NRG3: variants seen among roughly 807,000 people sequenced by gnomAD.
NRG3 encodes the protein neuregulin 3, also known as pro-neuregulin-3, membrane-bound isoform.
Under a neutral mutation model 66.9 loss-of-function variants are expected in NRG3, and 31 were observed. The ratio of observed to expected loss-of-function variants is 0.46; its 90% CI spans 0.35 to 0.63. The LOEUF is 0.63. Among genes scored for constraint, NRG3 ranks in the 20% least tolerant of loss-of-function variants. NRG3 has a pLI of 0.00. For synonymous variants in NRG3, 393 were observed against 359.4 expected (o/e 1.09, Z -1.06); for missense variants, 910 against 878.9 (o/e 1.04, Z -0.45).
intron 2 of NRG3, among the ~76,000 whole-genome samples, chr10:82,602,369 G>A (rs546646303): frequency 6.6e-6 from 1 of 152,164 alleles, no homozygotes; most frequent in Middle Eastern, 3.4e-3. Context: ...TCACATCACA[G>A]TATAATGCTG....
chr10:82,074,789 A>G (rs1409913098), intron 1 of NRG3, among the ~76,000 whole-genome samples: 1 of 152,240 alleles, frequency 6.6e-6, no homozygotes, highest in Non-Finnish European at 1.5e-5. Flanking sequence ...GTGAGCTGCA[A>G]TCCTGTCATT....
At chr10:82,777,864 C>T (rs2059965604) in intron 3 of NRG3, among the ~76,000 whole-genome samples, 1 of 152,280 alleles carries the variant, frequency 6.6e-6, no homozygotes, top group African/African-American at 2.4e-5. Flanking sequence ...ACGGCTGTAG[C>T]TTGGACTCCG....
chr10:82,869,586 A>ATTTTATTTTG (rs1841096511), intron 4 of NRG3, among the ~76,000 whole-genome samples: 1 of 140,926 alleles, frequency 7.1e-6, no homozygotes, highest in African/African-American at 2.7e-5. Flanking sequence ...ATTTTATTTT[A>ATTTTATTTTG]TTTTATTTTA....
chr10:82,633,625 A>C (rs1472389745), intron 2 of NRG3, among the ~76,000 whole-genome samples: 1 of 152,184 alleles, frequency 6.6e-6, no homozygotes, highest in African/African-American at 2.4e-5. Context: ...ATGTCCAAGC[A>C]TCAGGAGTGT....
At chr10:82,412,842 CA>C (rs1269194272) in intron 2 of NRG3, among the ~76,000 whole-genome samples, 1 of 146,092 alleles carries the variant, frequency 6.8e-6, no homozygotes, top group Non-Finnish European at 1.5e-5. Flanking sequence ...AACAAACAAA[CA>C]AAAAAACACT....
At chr10:81,967,141 CAT>C (rs1459176299) in intron 1 of NRG3, among the ~76,000 whole-genome samples, 8 of 151,478 alleles carry the variant, frequency 5.3e-5, no homozygotes, top group Non-Finnish European at 1.0e-4. Context: ...CATTATGTAT[CAT>C]ATATTTGTAG....
intron 2 of NRG3, among the ~76,000 whole-genome samples, chr10:82,518,291 G>A (rs533529619): frequency 6.6e-6 from 1 of 152,260 alleles, no homozygotes; most frequent in Non-Finnish European, 1.5e-5. Context: ...TGGACCAACA[G>A]AATAATTATA....
At position 81,895,757 on chromosome 10, in the gene NRG3, G is replaced by C. The variant is rs183178352; in HGVS notation, c.823+19594G>C. On this transcript the variant is annotated intron_variant, in intron 1 of 8. Transcript: ENST00000372141. The stretch of plus-strand genomic sequence containing the variant: ...CTAAGATACCTGAACTTGCTGGAGT[G>C]AGCCTCCAGGAGCCCCAGGGTCCTC... Among the ~76,000 whole-genome samples, 561 of 152,256 alleles carry C rather than the reference G, an allele frequency of 3.7e-3. 3 individuals are homozygous for C. The highest frequency in any genetic ancestry group is 0.01 in the Middle Eastern group (3 of 292).
At chr10:82,796,661 T>C (rs765998670) in intron 3 of NRG3, among the ~76,000 whole-genome samples, 1 of 152,160 alleles carries the variant, frequency 6.6e-6, no homozygotes, top group Admixed American at 6.5e-5. Context: ...TATTTTCTCA[T>C]TTATTATTTT....
intron 2 of NRG3, among the ~76,000 whole-genome samples, chr10:82,718,819 C>T (rs376040463): frequency 5.9e-5 from 9 of 152,136 alleles, no homozygotes; most frequent in African/African-American, 2.2e-4. Flanking sequence ...TTCTAAAGTA[C>T]TAATTATAAA....
At chr10:82,981,365 T>G (rs1852876403) in intron 8 of NRG3, among the ~76,000 whole-genome samples, 1 of 152,194 alleles carries the variant, frequency 6.6e-6, no homozygotes, top group South Asian at 2.1e-4. Flanking sequence ...TAAATATAAG[T>G]CACTGTATAC....
At chr10:82,165,083 A>C (rs1261903061) in intron 1 of NRG3, among the ~76,000 whole-genome samples, 1 of 152,162 alleles carries the variant, frequency 6.6e-6, no homozygotes, top group Non-Finnish European at 1.5e-5. Context: ...TTTTTATATA[A>C]GTACTATATT....
At chr10:81,972,984 A>G (rs1293643943) in intron 1 of NRG3, among the ~76,000 whole-genome samples, 1 of 152,202 alleles carries the variant, frequency 6.6e-6, no homozygotes, top group African/African-American at 2.4e-5. Context: ...AACTTGTGTC[A>G]TGGGGCTTCG....
intron 4 of NRG3, among the ~76,000 whole-genome samples, chr10:82,908,642 C>T (rs1844993338): frequency 6.6e-6 from 1 of 152,204 alleles, no homozygotes; most frequent in Non-Finnish European, 1.5e-5. Flanking sequence ...CTGTCTGTCT[C>T]ACTTTCCAAG....
intron 3 of NRG3, among the ~76,000 whole-genome samples, chr10:82,849,091 A>G (rs964936277): frequency 6.6e-6 from 1 of 152,200 alleles, no homozygotes; most frequent in Non-Finnish European, 1.5e-5. Context: ...ATCAAGTTAC[A>G]ATGGGGTCTT....
At chr10:82,192,629 A>C (rs572162235) in intron 1 of NRG3, among the ~76,000 whole-genome samples, 1 of 152,012 alleles carries the variant, frequency 6.6e-6, no homozygotes, top group Admixed American at 6.6e-5. Flanking sequence ...CCTGCATCCC[A>C]TTGTCCCTAT....
At chr10:82,769,901 GATATTA>G (rs1461017748) in intron 3 of NRG3, among the ~76,000 whole-genome samples, 1 of 152,076 alleles carries the variant, frequency 6.6e-6, no homozygotes, top group Non-Finnish European at 1.5e-5. Flanking sequence ...TGCTTTGCTT[GATATTA>G]ATAAACTTGC....
At chr10:82,738,398 T>A (rs986000106) in intron 2 of NRG3, among the ~76,000 whole-genome samples, 179 bp from the exon 3 acceptor site, 1 of 152,226 alleles carries the variant, frequency 6.6e-6, no homozygotes, top group African/African-American at 2.4e-5. Context: ...TCTCCCTTTT[T>A]GGCAAAGAAA....
chr10:82,691,230 G>A (rs761481445), intron 2 of NRG3, among the ~76,000 whole-genome samples: 5 of 152,138 alleles, frequency 3.3e-5, no homozygotes, highest in Non-Finnish European at 5.9e-5. Context: ...CTCTCATGCC[G>A]AGAAAAAACA....
Sources: gnomAD v4.1 joint callset for allele counts (sites outside exome capture counted in the v4.1 genomes callset) on GRCh38, gnomAD v4.1.1 for gene constraint, MANE v1.5 for transcripts, NCBI Gene and HGNC (gene_info 2026-07-23, HGNC 2026-07-21) for gene names.